The following MSL2 variants were observed in gnomAD, a reference collection of about 807,000 sequenced individuals.
MSL2 encodes E3 ubiquitin-protein ligase MSL2.
MSL2 carries 2 observed loss-of-function variants against 35.8 expected under a neutral mutation model. The observed-to-expected ratio is 0.06, with a 90% CI of 0.02 to 0.18. The LOEUF is 0.18. MSL2 is among the 10% of genes least tolerant of loss of function. The pLI is 1.00. For synonymous variants in MSL2, 296 were observed against 255.7 expected (o/e 1.16, Z -1.50); for missense variants, 523 against 706.7 (o/e 0.74, Z 2.95).
At chr3:136,188,529 T>C (rs144027387) in intron 1 of MSL2, among the ~76,000 whole-genome samples, 1 of 151,740 alleles carries the variant, frequency 6.6e-6, no homozygotes, top group Non-Finnish European at 1.5e-5. Context: ...GTGGAAGGAC[T>C]GCCTCAGGCC....
At chr3:136,162,492 C>T (rs1278479075) in intron 1 of MSL2, among the ~76,000 whole-genome samples, 1 of 152,008 alleles carries the variant, frequency 6.6e-6, no homozygotes, top group East Asian at 1.9e-4. Context: ...TAAGATGAGA[C>T]GATGGCTTGA....
At chr3:136,177,680 T>TAAAAAAAAAAAAAAAAA (rs397738424) in intron 1 of MSL2, among the ~76,000 whole-genome samples, 1 of 78,502 alleles carries the variant, frequency 1.3e-5, no homozygotes, top group African/African-American at 5.5e-5. Flanking sequence ...CTCCGTCTCA[T>TAAAAAAAAAAAAAAAAA]AAAAAAAAAA....
chr3:136,168,331 AAAG>A (rs1939909984), intron 1 of MSL2, among the ~76,000 whole-genome samples: 1 of 152,244 alleles, frequency 6.6e-6, no homozygotes, highest in African/African-American at 2.4e-5. Flanking sequence ...ATTACTAAAG[AAAG>A]AAGAAAAAGA....
chr3:136,167,827 G>A (rs1256964223), intron 1 of MSL2, among the ~76,000 whole-genome samples: 2 of 152,096 alleles, frequency 1.3e-5, no homozygotes, highest in Admixed American at 6.5e-5. Flanking sequence ...ATCAGTTTTT[G>A]TAATACCCTC....
intron 1 of MSL2, among the ~76,000 whole-genome samples, chr3:136,157,315 T>C (rs995896323): frequency 2.0e-5 from 3 of 150,626 alleles, no homozygotes; most frequent in African/African-American, 7.3e-5. Context: ...GACACCAGCC[T>C]GGCCAATATG....
chr3:136,183,754 A>T (rs1355903695), intron 1 of MSL2, among the ~76,000 whole-genome samples: 1 of 152,196 alleles, frequency 6.6e-6, no homozygotes, highest in Non-Finnish European at 1.5e-5. Context: ...TTATGATAAA[A>T]CTCTGAAGAG....
chr3:136,157,300 A>AAGGCG (rs1559958159), intron 1 of MSL2, among the ~76,000 whole-genome samples: 3 of 149,690 alleles, frequency 2.0e-5, no homozygotes, highest in Non-Finnish European at 3.0e-5. Flanking sequence ...TGAGGTCAGG[A>AAGGCG]GTTCGACACC....
chr3:136,156,728 G>A (rs924616006), intron 1 of MSL2, among the ~76,000 whole-genome samples: 14 of 152,102 alleles, frequency 9.2e-5, no homozygotes, highest in African/African-American at 3.1e-4. Flanking sequence ...GGTGGCAGCC[G>A]CCTGTAGTCC....
At chr3:136,194,272 A>T in intron 1 of MSL2, 1 of 278,108 alleles carries the variant, frequency 3.6e-6, no homozygotes, top group African/African-American at 2.3e-5. Context: ...CTTCTATCTT[A>T]AAAATTAAAG....
At chr3:136,159,636 C>A (rs1232733920) in intron 1 of MSL2, among the ~76,000 whole-genome samples, 2 of 151,634 alleles carry the variant, frequency 1.3e-5, no homozygotes, top group Non-Finnish European at 2.9e-5. Flanking sequence ...TCCCAAAGTG[C>A]TGCGATTACA....
chr3:136,165,908 CG>C (rs1278841531), intron 1 of MSL2, among the ~76,000 whole-genome samples: 1 of 151,646 alleles, frequency 6.6e-6, no homozygotes, highest in Non-Finnish European at 1.5e-5. Context: ...TGGAATTGTT[CG>C]TAACACAAAG....
chr3:136,184,427 C>T (rs935927344), intron 1 of MSL2, among the ~76,000 whole-genome samples: 2 of 151,868 alleles, frequency 1.3e-5, no homozygotes, highest in Admixed American at 6.6e-5. Context: ...ATGGTGAAAC[C>T]CGTCTCTATA....
intron 1 of MSL2, among the ~76,000 whole-genome samples, chr3:136,159,382 G>C (rs1331505516): frequency 1.5e-4 from 1 of 6,476 alleles, no homozygotes; most frequent in South Asian, 3.7e-3. Context: ...TTTTTTTTTT[G>C]AGACGGATTC....
At chr3:136,173,357 C>T (rs1940083084) in intron 1 of MSL2, among the ~76,000 whole-genome samples, 2 of 152,106 alleles carry the variant, frequency 1.3e-5, no homozygotes, top group Admixed American at 1.3e-4. Context: ...TTTGCCAACC[C>T]ACAGGTAATT....
chr3:136,194,631 T>C (rs1940784314), intron 1 of MSL2: 2 of 281,700 alleles, frequency 7.1e-6, no homozygotes, highest in African/African-American at 2.4e-5. Flanking sequence ...CCGCCGTAGG[T>C]ACGTAATCAG....
chr3:136,165,289 G>T (rs1031896479), intron 1 of MSL2, among the ~76,000 whole-genome samples: 1 of 151,182 alleles, frequency 6.6e-6, no homozygotes, highest in African/African-American at 2.4e-5. Context: ...TTTCATAAGT[G>T]GACATATAAC....
chr3:136,171,801 T>C (rs909771972), intron 1 of MSL2, among the ~76,000 whole-genome samples: 1 of 152,216 alleles, frequency 6.6e-6, no homozygotes, highest in Non-Finnish European at 1.5e-5. Context: ...ATCAAAAGCC[T>C]TGCATTTGGG....
intron 1 of MSL2, among the ~76,000 whole-genome samples, chr3:136,173,167 TAAAC>T (rs754150183): frequency 2.6e-4 from 40 of 152,096 alleles, no homozygotes; most frequent in Middle Eastern, 6.8e-3. Flanking sequence ...TGTCTCAAAA[TAAAC>T]AAACAAACAA....
rs1559957511 is a variant in MSL2 at position 136,156,185 on chromosome 3, A to AT, written c.143-3448dup. Among the ~76,000 whole-genome samples the AT allele has an allele frequency of 2.0e-5, 3 of 152,330 alleles. No individual in the cohort carries two copies. The South Asian group carries it at 6.2e-4, about 32-fold the overall frequency. The stretch of plus-strand genomic sequence containing the variant: ...TTAAACAACTGAATTATATCTTCAG[A>AT]TTATTAAAGATTAATCCTAATGCGA... On this transcript the variant is annotated intron_variant, in intron 1 of 1. Coordinates refer to ENST00000309993, the MANE Select transcript of MSL2 (RefSeq NM_018133.4).
Sources: gnomAD v4.1 joint callset for allele counts (sites outside exome capture counted in the v4.1 genomes callset) on GRCh38, gnomAD v4.1.1 for gene constraint, MANE v1.5 for transcripts, NCBI Gene and HGNC (gene_info 2026-07-23, HGNC 2026-07-21) for gene names.